SCN9A: variants seen among roughly 807,000 people sequenced by gnomAD.
SCN9A encodes the protein sodium channel protein type 9 subunit alpha.
In SCN9A, 131 loss-of-function variants were observed where a neutral mutation model predicts 187.0. The observed-to-expected ratio is 0.70, with a 90% CI of 0.61 to 0.81. The LOEUF is 0.81. Among genes scored for constraint, SCN9A ranks in the 30% least tolerant of loss-of-function variants. The pLI, the probability that SCN9A is intolerant of heterozygous loss-of-function variation, is 0.00. For missense variants in SCN9A, 2,252 were observed against 2,396.6 expected, an observed-to-expected ratio of 0.94 and a Z score of 1.26; for synonymous variants, 809 against 808.6, an observed-to-expected ratio of 1.00 and a Z score of -0.01.
intron 17 of SCN9A, among the ~76,000 whole-genome samples, chr2:166,255,731 G>C (rs527604962): frequency 6.6e-6 from 1 of 151,548 alleles, no homozygotes; most frequent in Admixed American, 6.6e-5. Context: ...GCCTAGAATG[G>C]TTATTTCACC....
At chr2:166,315,397 C>G (rs529077450) in intron 1 of SCN9A, among the ~76,000 whole-genome samples, 172 of 152,296 alleles carry the variant, frequency 1.1e-3, no homozygotes, top group African/African-American at 3.9e-3. Flanking sequence ...AACCCCCATG[C>G]ACATGCTCAA....
At chr2:166,335,904 G>GT (rs955247853) in intron 1 of SCN9A, among the ~76,000 whole-genome samples, 1 of 151,868 alleles carries the variant, frequency 6.6e-6, no homozygotes, top group Non-Finnish European at 1.5e-5. Context: ...CATGTACAGA[G>GT]TTTTTTTTCT....
chr2:166,307,376 GGTTAA>G (rs1698795990), intron 2 of SCN9A, among the ~76,000 whole-genome samples: 2 of 152,186 alleles, frequency 1.3e-5, no homozygotes, highest in African/African-American at 2.4e-5. Context: ...CAATAACTGT[GGTTAA>G]GTTATTTTAA....
intron 17 of SCN9A, among the ~76,000 whole-genome samples, chr2:166,261,983 G>A (rs995940650): frequency 3.3e-5 from 5 of 151,964 alleles, no homozygotes; most frequent in African/African-American, 1.2e-4. Context: ...AATAAGTCAT[G>A]ACAAAGGAGA....
chr2:166,329,573 G>GT (rs1699448304), intron 1 of SCN9A, among the ~76,000 whole-genome samples: 1 of 149,776 alleles, frequency 6.7e-6, no homozygotes, highest in Admixed American at 6.6e-5. Flanking sequence ...TGTTGGGGGG[G>GT]GGTTGTTGTT....
At chr2:166,281,415 G>C (rs1200612379) in intron 13 of SCN9A, among the ~76,000 whole-genome samples, 1 of 152,096 alleles carries the variant, frequency 6.6e-6, no homozygotes, top group Non-Finnish European at 1.5e-5. Context: ...CCCAACATCT[G>C]TCTTTGTGGG....
intron 1 of SCN9A, among the ~76,000 whole-genome samples, chr2:166,340,532 TTTTCTTTCC>T (rs1387727519): frequency 8.0e-6 from 1 of 125,050 alleles, no homozygotes; most frequent in Non-Finnish European, 1.7e-5. Context: ...CTCTCCTTTC[TTTTCTTTCC>T]CTTTCTTTCT....
chr2:166,199,851 A>T lies in SCN9A; in HGVS notation c.4788T>A (p.Ala1596=), dbSNP rs1693399214. The T allele has an allele frequency of 6.2e-7, 1 of 1,613,746 alleles. No individual in the cohort carries two copies. Among genetic ancestry groups the T allele is most frequent in the Non-Finnish European group, 8.5e-7 (1 of 1,179,752 alleles). The change falls in exon 27 of 27, where the codon GCT becomes GCA. Residue 1596 remains alanine (A), a synonymous_variant. Coordinates refer to ENST00000642356, the MANE Select transcript of SCN9A (RefSeq NM_001365536.1). ...VIISIVGMFL[A]DLIETYFVSP... ...ACACAAAATACGTTTCAATCAAATC[A>T]GCTAGAAACATACCTGTATGTGGAG...
At chr2:166,257,870 G>C (rs1696346968) in intron 17 of SCN9A, among the ~76,000 whole-genome samples, 1 of 151,304 alleles carries the variant, frequency 6.6e-6, no homozygotes, top group South Asian at 2.1e-4. Context: ...TTTTCTATGA[G>C]AATATTGCCT....
At chr2:166,280,655 A>T (rs1257061407) in intron 13 of SCN9A, 60 bp from the exon 14 acceptor site, 3 of 956,430 alleles carry the variant, frequency 3.1e-6, no homozygotes, top group Non-Finnish European at 4.7e-6. Flanking sequence ...TCCTAACCAG[A>T]TACAAATCAG....
intron 5 of SCN9A, among the ~76,000 whole-genome samples, chr2:166,304,561 G>A (rs189569164): frequency 1.3e-3 from 204 of 152,146 alleles, no homozygotes; most frequent in African/African-American, 4.2e-3. Context: ...ACTTAAATGC[G>A]TAAACAACTA....
intron 10 of SCN9A, among the ~76,000 whole-genome samples, chr2:166,287,567 C>T (rs148466104): frequency 6.7e-4 from 102 of 152,020 alleles, no homozygotes; most frequent in African/African-American, 2.2e-3. Flanking sequence ...AGATGATTGC[C>T]CTCCCCTAAT....
At chr2:166,277,712 G>T in intron 15 of SCN9A, 1 of 217,862 alleles carries the variant, frequency 4.6e-6, no homozygotes. Context: ...GCATATTAGA[G>T]GAATGTGCTT....
chr2:166,289,349 C>T (rs1457125524), intron 9 of SCN9A, among the ~76,000 whole-genome samples: 12 of 151,966 alleles, frequency 7.9e-5, no homozygotes, highest in Admixed American at 3.3e-4. Context: ...CCCCCACCAC[C>T]GACAGGCCCC....
chr2:166,350,567 C>T (rs1323805848), intron 1 of SCN9A, among the ~76,000 whole-genome samples: 1 of 152,166 alleles, frequency 6.6e-6, no homozygotes, highest in Non-Finnish European at 1.5e-5. Flanking sequence ...ATGATAATCA[C>T]TTCCTATTAT....
intron 24 of SCN9A, among the ~76,000 whole-genome samples, chr2:166,206,676 TA>T (rs528297319): frequency 2.0e-5 from 3 of 152,178 alleles, no homozygotes; most frequent in African/African-American, 7.2e-5. Context: ...AAAAAAAGAA[TA>T]GGGGCTACAT....
chr2:166,294,692 C>T (rs1698223922), intron 7 of SCN9A, 30 bp from the exon 8 acceptor site: 3 of 1,447,014 alleles, frequency 2.1e-6, no homozygotes, highest in Middle Eastern at 1.8e-4. Context: ...ACAGTTATAA[C>T]ATCACAGACT....
intron 26 of SCN9A, among the ~76,000 whole-genome samples, chr2:166,201,936 C>T (rs1047239015): frequency 3.3e-5 from 5 of 151,434 alleles, no homozygotes; most frequent in African/African-American, 4.8e-5. Context: ...CCACAATTTT[C>T]CTTGTGTTTT....
chr2:166,237,630 A>G (rs1020060226), intron 20 of SCN9A, among the ~76,000 whole-genome samples: 1 of 152,144 alleles, frequency 6.6e-6, no homozygotes, highest in African/African-American at 2.4e-5. Flanking sequence ...AATGATTTTT[A>G]GAAAAATTTT....
Sources: gnomAD v4.1 joint callset for allele counts (sites outside exome capture counted in the v4.1 genomes callset) on GRCh38, gnomAD v4.1.1 for gene constraint, MANE v1.5 for transcripts, NCBI Gene and HGNC (gene_info 2026-07-23, HGNC 2026-07-21) for gene names.